TJAP1: variants seen among roughly 807,000 people sequenced by gnomAD.
TJAP1 encodes tight junction-associated protein 1.
Under a neutral mutation model 42.0 loss-of-function variants are expected in TJAP1, and 27 were observed. That is an observed-to-expected ratio of 0.64 (90% CI 0.47 to 0.89). The LOEUF is 0.89. Among genes scored for constraint, TJAP1 ranks in the 40% least tolerant of loss-of-function variants. The probability of loss-of-function intolerance (pLI) is 0.00; values close to 1 mark genes in which losing one functional copy is unlikely to be tolerated. For synonymous variants in TJAP1, 257 were observed against 288.4 expected, an observed-to-expected ratio of 0.89 and a Z score of 1.10; for missense variants, 712 against 726.9, an observed-to-expected ratio of 0.98 and a Z score of 0.24.
At chr6:43,498,853 G>T in intron 3 of TJAP1, 125 bp from the exon 4 acceptor site, 1 of 998,438 alleles carries the variant, frequency 1.0e-6, no homozygotes, top group Admixed American at 2.4e-5. Context: ...CTCCAGTAAT[G>T]GCCCAGGCCT....
At chr6:43,506,034 T>C (rs965757240) in exon 11 of TJAP1, 14 of 507,294 alleles carry the variant, frequency 2.8e-5, no homozygotes, top group Non-Finnish European at 2.8e-5. Context: ...CTGCGTTGAC[T>C]GACTGCAGCA....
At chr6:43,497,815 G>T (rs988685412) in intron 2 of TJAP1, 66 bp from the exon 3 acceptor site, 1 of 152,278 alleles carries the variant, frequency 6.6e-6, no homozygotes. Flanking sequence ...TGGGCAGCAG[G>T]CCTGTAGCAC....
intron 2 of TJAP1, chr6:43,489,637 T>C (rs1787356012): frequency 1.3e-5 from 2 of 152,206 alleles, no homozygotes; most frequent in Non-Finnish European, 2.9e-5. Flanking sequence ...ACAGGCGAGA[T>C]AGAGGAGCTG....
chr6:43,502,207 C>G, intron 6 of TJAP1, 76 bp from the exon 7 acceptor site: 1 of 1,468,550 alleles, frequency 6.8e-7, no homozygotes, highest in Non-Finnish European at 9.5e-7. Context: ...TTCAAGATCC[C>G]CTATCGGGGA....
intron 2 of TJAP1, among the ~76,000 whole-genome samples, chr6:43,493,695 T>C (rs576363075): frequency 7.6e-4 from 115 of 152,252 alleles, no homozygotes; most frequent in African/African-American, 2.7e-3. Context: ...ACGGCATCTT[T>C]GGCTCTTGGG....
intron 8 of TJAP1, chr6:43,503,069 C>G: frequency 2.2e-6 from 1 of 456,326 alleles, no homozygotes; most frequent in Non-Finnish European, 4.0e-6. Context: ...GGCTTCAGCC[C>G]CCTGGTTTGC....
At chr6:43,483,030 G>A (rs951552161) in intron 2 of TJAP1, among the ~76,000 whole-genome samples, 2 of 152,026 alleles carry the variant, frequency 1.3e-5, no homozygotes, top group African/African-American at 4.8e-5. Context: ...GTTGAGGCAG[G>A]AGAATCACTT....
At chr6:43,502,195 T>C in intron 6 of TJAP1, 88 bp from the exon 7 acceptor site, 2 of 1,342,818 alleles carry the variant, frequency 1.5e-6, no homozygotes, top group Admixed American at 1.9e-5. Context: ...GAGAATGACA[T>C]GTTCAAGATC....
chr6:43,500,431 AC>A (rs1384360659), intron 4 of TJAP1, among the ~76,000 whole-genome samples: 1 of 152,220 alleles, frequency 6.6e-6, no homozygotes, highest in Non-Finnish European at 1.5e-5. Context: ...AGCCGAGTGA[AC>A]AGCTGAGAGG....
chr6:43,485,316 AG>A (rs1786216800), intron 2 of TJAP1, among the ~76,000 whole-genome samples: 2 of 152,240 alleles, frequency 1.3e-5, no homozygotes, highest in Non-Finnish European at 2.9e-5. Context: ...GCCACAGAAC[AG>A]GCTTAACTTG....
chr6:43,502,076 A>ACACACACACACTCTCTCT (rs767085594), intron 6 of TJAP1, among the ~76,000 whole-genome samples: 5 of 68,930 alleles, frequency 7.3e-5, no homozygotes, highest in African/African-American at 3.8e-4. Flanking sequence ...ACACACACAC[A>ACACACACACACTCTCTCT]CTCTCTCTCT....
chr6:43,502,437 C>T (rs1018396018), intron 7 of TJAP1, 88 bp downstream of exon 7: 1 of 1,536,498 alleles, frequency 6.5e-7, no homozygotes, highest in Non-Finnish European at 8.9e-7. Flanking sequence ...CCACTCTGCC[C>T]TGGGGCTTGA....
At chr6:43,496,574 G>C (rs925023235) in intron 2 of TJAP1, among the ~76,000 whole-genome samples, 2 of 152,216 alleles carry the variant, frequency 1.3e-5, no homozygotes, top group African/African-American at 4.8e-5. Flanking sequence ...CCCCAAACCA[G>C]GGCCCAGGCT....
rs1792275726 is a variant in TJAP1, at chr6:43,505,865, T to C, written c.*10T>C. 4.8e-6 allele frequency: 7 copies of C among 1,447,216 alleles called. No individual in the cohort carries two copies. Among genetic ancestry groups the C allele is most frequent in the Non-Finnish European group, 6.3e-6 (7 of 1,104,384 alleles). The allele number at this position is 1,447,216 out of a possible 1,614,324, so 89.6% of individuals were successfully genotyped here. Reference sequence around the variant, plus strand: ...CAACCTGCTCAACTAGGGCCCCTGCTGGCCTTCCTGCCATTGCTGCACCAG... The same window carrying C: ...CAACCTGCTCAACTAGGGCCCCTGCCGGCCTTCCTGCCATTGCTGCACCAG... On this transcript the variant is annotated 3_prime_UTR_variant, in exon 11 of 11. Coordinates refer to ENST00000372449, the Ensembl canonical transcript of TJAP1. The surrounding 1 kb of genome is among the most constrained non-coding windows in gnomAD (Gnocchi z 5.5).
chr6:43,505,724 A>G lies in TJAP1; in HGVS notation c.1543A>G (p.Thr515Ala), dbSNP rs1582152800. 1 of 1,565,176 alleles carries G rather than the reference A, an allele frequency of 6.4e-7. No individual in the cohort carries two copies. Among genetic ancestry groups the G allele is most frequent in the Non-Finnish European group, 8.7e-7 (1 of 1,155,300 alleles). The change falls in exon 11 of 11, where the codon ACC (threonine) becomes GCC (alanine). Residue 515 changes from threonine to alanine, a missense_variant. Thr to Ala is a moderately conservative substitution (Grantham distance 58). Coordinates refer to ENST00000372449, the Ensembl canonical transcript of TJAP1. This position sits in a 1 kb window ranked among gnomAD's most constrained non-coding sequence, Gnocchi z 5.5. Reference sequence around the variant, plus strand: ...AGAGGAGGGGCCAGGCACTTCCCACACCGAGGGCAGGGCCTGGCCACTCCC... The same window carrying G: ...AGAGGAGGGGCCAGGCACTTCCCACGCCGAGGGCAGGGCCTGGCCACTCCC...
Position 43,499,708 on chromosome 6 carries a change from G to A in TJAP1, c.99+608G>A, listed in dbSNP as rs146833719. On this transcript the variant is annotated intron_variant, in intron 4 of 10. Coordinates refer to ENST00000372449, the Ensembl canonical transcript of TJAP1. ...ACAGGCAGAAACGAGGGCCACAGTG[G>A]TTTACTGCCCTTGCAGCCATATCTC... Among the ~76,000 whole-genome samples the A allele has an allele frequency of 2.4e-3, 369 of 152,384 alleles. 2 individuals carry two copies. Among genetic ancestry groups the A allele is most frequent in the Admixed American group, 4.0e-3 (62 of 15,310 alleles).
chr6:43,505,427 C>T lies in TJAP1; in HGVS notation c.1246C>T (p.Arg416Trp), dbSNP rs41281810. ...AGAGGACCTGCTGGTCAGCTGGCAG[C>T]GGGCATTTGTGGACCGTACTCCACC... is the stretch of plus-strand genomic sequence containing the variant. Residue 416 changes from arginine (R) to tryptophan (W), a missense_variant, in exon 11 of 11, where the codon CGG becomes TGG. Around this residue, in one of 3 missense-constraint regions of TJAP1, gnomAD observed 549 missense variants for 528.2 expected, o/e 1.04. Transcript: ENST00000372449. The surrounding 1 kb of genome is among the most constrained non-coding windows in gnomAD (Gnocchi z 5.5). The T allele has an allele frequency of 4.3e-5, 70 of 1,612,594 alleles. No individual in the cohort carries two copies. Among genetic ancestry groups the T allele is most frequent in the Middle Eastern group, 1.6e-4 (1 of 6,084 alleles).
In TJAP1 at chr6:43,502,076, A is replaced by ACACACACACTCT. The variant is rs767085594; in HGVS notation, c.291-206_291-205insACACACACTCTC. Among the ~76,000 whole-genome samples, 18 of 68,956 alleles carry ACACACACACTCT rather than the reference A, an allele frequency of 2.6e-4. 1 individual carries two copies. Among genetic ancestry groups the ACACACACACTCT allele is most frequent in the African/African-American group, 1.3e-3 (17 of 13,116 alleles). The allele number at this position is 68,956 out of a possible 152,430, so 45.2% of individuals were successfully genotyped here. A position where few individuals can be genotyped will look rare whatever the true frequency, so the allele number is the denominator to read the frequency against. On this transcript the variant is annotated intron_variant, in intron 6 of 10. Coordinates refer to ENST00000372449, the Ensembl canonical transcript of TJAP1. ...CACACACACACACACACACACACAC[A>ACACACACACTCT]CTCTCTCTCTCTCTCTCTCTCTCTC...
chr6:43,478,444 C>A (rs1784657544), intron 2 of TJAP1, among the ~76,000 whole-genome samples: 1 of 152,204 alleles, frequency 6.6e-6, no homozygotes, highest in South Asian at 2.1e-4. Context: ...GTGCCTTCAC[C>A]TATGCAAGTA....
Sources: gnomAD v4.1 joint callset for allele counts (sites outside exome capture counted in the v4.1 genomes callset) on GRCh38, gnomAD v4.1.1 for gene constraint, gnomAD v4.1.1 regional missense constraint, Gnocchi (gnomAD v3.1) non-coding constraint, MANE v1.5 for transcripts, NCBI Gene and HGNC (gene_info 2026-07-23, HGNC 2026-07-21) for gene names.